The following PRORP variants were observed in gnomAD, a reference collection of about 807,000 sequenced individuals.
PRORP encodes the protein mitochondrial ribonuclease P catalytic subunit.
A neutral mutation model predicts 59.4 loss-of-function variants in PRORP; 51 were observed. The observed-to-expected ratio is 0.86, with a 90% CI of 0.69 to 1.08. The LOEUF (loss-of-function observed/expected upper bound fraction) is 1.08. Ranked by LOEUF, PRORP falls within the 50% of genes least tolerant of loss-of-function variation. PRORP has a pLI of 0.00. For synonymous variants in PRORP, 231 were observed against 245.6 expected (o/e 0.94, Z 0.55); for missense variants, 646 against 690.3 (o/e 0.94, Z 0.72).
chr14:35,124,960 C>T (rs770341825), intron 2 of PRORP, among the ~76,000 whole-genome samples: 3 of 150,676 alleles, frequency 2.0e-5, no homozygotes, highest in African/African-American at 2.4e-5. Context: ...CTTTGCCTCC[C>T]GGGTTTTCTC....
In PRORP at chr14:35,149,588, T is replaced by C. The variant is rs560784933; in HGVS notation, c.1167+21977T>C. On this transcript the variant is annotated intron_variant, in intron 4 of 7. Transcript: ENST00000534898. Reference sequence around the variant, plus strand: ...CCAAATTCTGCTGGCCTCCAACTTTTCTTCTACGGCTTCATCACCTCTGTC... The same window carrying C: ...CCAAATTCTGCTGGCCTCCAACTTTCCTTCTACGGCTTCATCACCTCTGTC... Among the ~76,000 whole-genome samples the C allele has an allele frequency of 2.0e-5, 3 of 152,294 alleles. No homozygotes were observed. The South Asian group carries it at 6.2e-4, about 32-fold the overall frequency.
chr14:35,219,537 CAAA>C (rs2049715998), intron 5 of PRORP, among the ~76,000 whole-genome samples: 1 of 152,176 alleles, frequency 6.6e-6, no homozygotes, highest in Admixed American at 6.5e-5. Context: ...GGTGGCCACT[CAAA>C]AAGCATACCT....
intron 5 of PRORP, among the ~76,000 whole-genome samples, chr14:35,189,361 TG>T (rs1030865648): frequency 2.6e-4 from 40 of 151,940 alleles, no homozygotes; most frequent in African/African-American, 9.7e-4. Context: ...GTGTGAGCCA[TG>T]GTGCCCAGCC....
intron 5 of PRORP, among the ~76,000 whole-genome samples, chr14:35,224,206 CT>C (rs1020504234): frequency 1.3e-5 from 2 of 152,096 alleles, no homozygotes; most frequent in Admixed American, 6.5e-5. Context: ...AAATAGAAAA[CT>C]TTTTTTTATT....
At chr14:35,127,423 C>T (rs2047125008) in intron 3 of PRORP, 56 bp from the exon 4 acceptor site, 7 of 1,308,288 alleles carry the variant, frequency 5.4e-6, no homozygotes, top group Middle Eastern at 2.3e-4. Flanking sequence ...AAATTTTTTT[C>T]CCCAGAACAT....
At chr14:35,228,000 G>A (rs182407001) in intron 5 of PRORP, among the ~76,000 whole-genome samples, 121 of 152,192 alleles carry the variant, frequency 8.0e-4, no homozygotes, top group Admixed American at 2.4e-3. Flanking sequence ...AAAATTAGCC[G>A]GGCGTGGTGG....
intron 4 of PRORP, among the ~76,000 whole-genome samples, chr14:35,138,637 T>A (rs1033574268): frequency 6.9e-6 from 1 of 145,410 alleles, no homozygotes; most frequent in Non-Finnish European, 1.5e-5. Context: ...TTATAAAAGT[T>A]ATTTTAGGCT....
chr14:35,153,891 A>G (rs2047845007), intron 4 of PRORP, among the ~76,000 whole-genome samples: 1 of 152,232 alleles, frequency 6.6e-6, no homozygotes. Context: ...ACTAATTTTA[A>G]CTTGCTTTTT....
intron 5 of PRORP, among the ~76,000 whole-genome samples, chr14:35,254,897 G>T (rs1388886265): frequency 6.6e-6 from 1 of 151,984 alleles, no homozygotes; most frequent in Non-Finnish European, 1.5e-5. Flanking sequence ...CTAATAAAGA[G>T]CCTCCACCTT....
At chr14:35,182,364 A>G (rs769839103) in intron 5 of PRORP, among the ~76,000 whole-genome samples, 5 of 149,194 alleles carry the variant, frequency 3.4e-5, no homozygotes, top group Non-Finnish European at 6.0e-5. Context: ...AGATGAACCG[A>G]CTGGGCACGG....
chr14:35,224,125 C>A (rs1265972350), intron 5 of PRORP, among the ~76,000 whole-genome samples: 1 of 152,154 alleles, frequency 6.6e-6, no homozygotes, highest in Admixed American at 6.5e-5. Flanking sequence ...TATCTTTTAG[C>A]TAGCATTGTA....
chr14:35,163,683 G>A (rs2048116333), intron 4 of PRORP, among the ~76,000 whole-genome samples: 5 of 152,110 alleles, frequency 3.3e-5, no homozygotes, highest in Admixed American at 6.6e-5. Flanking sequence ...GATGCAGTTT[G>A]TAAATATTTT....
intron 5 of PRORP, among the ~76,000 whole-genome samples, chr14:35,189,008 T>G (rs1018169866): frequency 4.6e-5 from 7 of 151,808 alleles, no homozygotes; most frequent in African/African-American, 1.7e-4. Flanking sequence ...CCTATGTTTC[T>G]TCTAAGAGTT....
chr14:35,269,697 A>C (rs1255893885), intron 6 of PRORP, among the ~76,000 whole-genome samples: 1 of 152,184 alleles, frequency 6.6e-6, no homozygotes, highest in Non-Finnish European at 1.5e-5. Flanking sequence ...TTCACTTGAA[A>C]TACTTCAGGA....
chr14:35,169,391 T>G (rs1296621620), intron 4 of PRORP, among the ~76,000 whole-genome samples: 2 of 152,124 alleles, frequency 1.3e-5, no homozygotes, highest in Non-Finnish European at 2.9e-5. Context: ...GAAACTTATT[T>G]TATGGTTAGT....
At chr14:35,194,915 T>C (rs1227317708) in intron 5 of PRORP, among the ~76,000 whole-genome samples, 1 of 152,146 alleles carries the variant, frequency 6.6e-6, no homozygotes, top group Non-Finnish European at 1.5e-5. Context: ...AAGAAAATCG[T>C]AAATTGTAAC....
rs551543019 is a variant in PRORP, at chr14:35,250,700, C to T, written c.1276-16027C>T. Among the ~76,000 whole-genome samples the T allele has an allele frequency of 5.9e-5, 9 of 152,232 alleles. No individual in the cohort carries two copies. The East Asian group carries it at 1.4e-3, about 23-fold the overall frequency. Reference sequence around the variant, plus strand: ...AATGTACTTCAGCACTGACACGTGGCCTCCCTGAACCACCTTATCAAATAG... The same window carrying T: ...AATGTACTTCAGCACTGACACGTGGTCTCCCTGAACCACCTTATCAAATAG... On this transcript the variant is annotated intron_variant, in intron 5 of 7. Coordinates refer to ENST00000534898, the MANE Select transcript of PRORP (RefSeq NM_014672.4).
intron 5 of PRORP, among the ~76,000 whole-genome samples, chr14:35,244,646 A>G (rs2050441995): frequency 6.6e-6 from 1 of 152,154 alleles, no homozygotes; most frequent in African/African-American, 2.4e-5. Context: ...GTGCGCGCAT[A>G]AAATATATCA....
chr14:35,172,413 T>TTCCTTCCTTCCTTCC lies in PRORP; in HGVS notation c.1168-8256_1168-8255insCCTTCCTTCCTTCCT, dbSNP rs2048332703. Among the ~76,000 whole-genome samples the TTCCTTCCTTCCTTCC allele has an allele frequency of 5.3e-4, 41 of 77,582 alleles. 1 individual carries two copies. Among genetic ancestry groups the TTCCTTCCTTCCTTCC allele is most frequent in the African/African-American group, 1.7e-3 (35 of 21,070 alleles). The allele number at this position is 77,582 out of a possible 152,430, so 50.9% of individuals were successfully genotyped here. The stretch of plus-strand genomic sequence containing the variant: ...TCTACACTTTGGATTGGTTTCTTTC[T>TTCCTTCCTTCCTTCC]TTCCTTCCTTCCTTCCTTCCTTCCT... On this transcript the variant is annotated intron_variant, in intron 4 of 7. Transcript: ENST00000534898.
Sources: allele counts gnomAD v4.1 joint callset (sites outside exome capture counted in the v4.1 genomes callset), GRCh38; gene constraint gnomAD v4.1.1; transcripts MANE v1.5; gene names NCBI Gene and HGNC (gene_info 2026-07-23, HGNC 2026-07-21).